Variants in UNC80 observed in about 807,000 individuals in gnomAD.
UNC80 encodes the protein protein unc-80 homolog.
In UNC80, 164 loss-of-function variants were observed where a neutral mutation model predicts 384.6. That is an observed-to-expected ratio of 0.43 (90% CI 0.38 to 0.49). The LOEUF (loss-of-function observed/expected upper bound fraction) is 0.49. Among genes scored for constraint, UNC80 ranks in the 20% least tolerant of loss-of-function variants. The pLI is 0.00. For synonymous variants in UNC80, 1,486 were observed against 1,527.8 expected (o/e 0.97, Z 0.64); for missense variants, 3,330 against 4,143.0 (o/e 0.80, Z 5.39).
intron 7 of UNC80, among the ~76,000 whole-genome samples, chr2:209,805,878 A>C (rs2078866253): frequency 6.6e-6 from 1 of 152,212 alleles, no homozygotes; most frequent in South Asian, 2.1e-4. Context: ...TAGAATGTGA[A>C]TAGCAGGAGG....
chr2:209,777,784 C>T (rs1392763266), intron 4 of UNC80, among the ~76,000 whole-genome samples: 1 of 152,172 alleles, frequency 6.6e-6, no homozygotes, highest in Non-Finnish European at 1.5e-5. Flanking sequence ...CTCCCTCTGC[C>T]TCATGATAAT....
Position 209,993,302 on chromosome 2 carries a change from C to G in UNC80, c.9397-13C>G, listed in dbSNP as rs764265709. 80 of 1,548,796 alleles carry G rather than the reference C, an allele frequency of 5.2e-5. No homozygotes were observed. The highest frequency in any genetic ancestry group is 6.5e-5 in the Non-Finnish European group (74 of 1,144,802). ...GACCCTCTTGCAAGTTTTATTCTGC[C>G]TATTCTCTTTAGCTAAGACGTCCTC... On this transcript the variant is annotated splice_polypyrimidine_tract_variant and intron_variant, in intron 62 of 64. Transcript: ENST00000673920.
At chr2:209,994,827 G>A (rs888850960) in intron 64 of UNC80, among the ~76,000 whole-genome samples, 2 of 152,088 alleles carry the variant, frequency 1.3e-5, no homozygotes, top group Non-Finnish European at 2.9e-5. Context: ...TTTAGATAAA[G>A]CCTCTAAATA....
chr2:209,994,250 G>C lies in UNC80; in HGVS notation c.9694G>C (p.Val3232Leu). 6.4e-7 allele frequency: 1 copy of C among 1,550,414 alleles called. No homozygotes were observed. The highest frequency in any genetic ancestry group is 1.2e-5 in the South Asian group (1 of 83,958). The change falls in exon 64 of 65, where the codon GTG becomes CTG. Residue 3232 changes from valine to leucine, a missense_variant. Physicochemically the swap from Val to Leu is conservative, Grantham distance 32. Transcript: ENST00000673920. ...CATAGTTGTTGCGGATCTCCACAGC[G>C]TGTCTCCCAAGCAGGTGAGGGCACT... ...PAIVVADLHS[V>L]SPKQSENFPT...
intron 2 of UNC80, among the ~76,000 whole-genome samples, chr2:209,775,428 C>T (rs2076812315): frequency 6.6e-6 from 1 of 152,168 alleles, no homozygotes; most frequent in African/African-American, 2.4e-5. Flanking sequence ...AAAGTTGTAT[C>T]TTAACACCAG....
At chr2:209,928,577 A>T (rs1241027468) in intron 36 of UNC80, among the ~76,000 whole-genome samples, 1 of 152,204 alleles carries the variant, frequency 6.6e-6, no homozygotes, top group Non-Finnish European at 1.5e-5. Flanking sequence ...GTACATATTT[A>T]TGGGGTACAG....
chr2:209,933,157 T>TA (rs1366299427), intron 38 of UNC80, among the ~76,000 whole-genome samples: 2 of 152,206 alleles, frequency 1.3e-5, no homozygotes, highest in Non-Finnish European at 2.9e-5. Flanking sequence ...TATTTCAATG[T>TA]ATAGAATGCT....
At position 209,817,973 on chromosome 2, in the gene UNC80, A is replaced by G. The variant is rs1271613241; in HGVS notation, c.1693+21A>G. On this transcript the variant is annotated intron_variant, in intron 11 of 64. Coordinates refer to ENST00000673920, the MANE Select transcript of UNC80 (RefSeq NM_001371986.1). ...GGAAGGTGGGTAGGAGGTGGGGCCTACGGGCAGGAGTTCAGAGTTCTTTTT... is the reference window on the plus strand; with the variant it reads ...GGAAGGTGGGTAGGAGGTGGGGCCTGCGGGCAGGAGTTCAGAGTTCTTTTT... 9.0e-6 allele frequency: 14 copies of G among 1,551,202 alleles called. No homozygotes were observed. The African/African-American group carries it at 1.5e-4, about 17-fold the overall frequency.
intron 54 of UNC80, 117 bp from the exon 55 acceptor site, chr2:209,972,084 T>G: frequency 1.6e-6 from 2 of 1,284,878 alleles, no homozygotes; most frequent in Non-Finnish European, 1.1e-6. Flanking sequence ...ACAATTGAAC[T>G]CATAGTTTAC....
At chr2:209,836,109 A>ATGAT (rs1240124981) in intron 18 of UNC80, among the ~76,000 whole-genome samples, 4 of 152,230 alleles carry the variant, frequency 2.6e-5, no homozygotes, top group Non-Finnish European at 4.4e-5. Context: ...GAATGATTCA[A>ATGAT]TCAATCAATG....
chr2:209,896,381 G>T lies in UNC80; in HGVS notation c.4549G>T (p.Glu1517Ter). Residue 1517 changes from glutamate (E) to a stop codon, truncating the protein, a stop_gained, in exon 28 of 65, where the codon GAG becomes TAG. Transcript: ENST00000673920. LOFTEE classifies it high-confidence loss of function. ...GGGAATGAGTAATGCCGGCGCGGAGGAGAATTACCACAGAAACATGTCGTG... is the reference window on the plus strand; with the variant it reads ...GGGAATGAGTAATGCCGGCGCGGAGTAGAATTACCACAGAAACATGTCGTG... Reference protein sequence around the residue: ...PEGMSNAGAEENYHRNMSWLH... With the variant: ...PEGMSNAGAE 1 of 1,551,622 alleles carries T rather than the reference G, an allele frequency of 6.4e-7. No individual in the cohort carries two copies. The highest frequency in any genetic ancestry group is 8.7e-7 in the Non-Finnish European group (1 of 1,146,954).
intron 35 of UNC80, among the ~76,000 whole-genome samples, chr2:209,923,963 T>C (rs2090239796): frequency 6.6e-6 from 1 of 152,148 alleles, no homozygotes; most frequent in African/African-American, 2.4e-5. Context: ...AGATATGCCA[T>C]GTGAAAGACA....
chr2:209,786,618 T>C (rs1353997085), intron 5 of UNC80, among the ~76,000 whole-genome samples: 1 of 152,146 alleles, frequency 6.6e-6, no homozygotes, highest in African/African-American at 2.4e-5. Flanking sequence ...TAGTGTTGTA[T>C]TGTTATCAAA....
chr2:209,817,500 A>G lies in UNC80; in HGVS notation c.1553-312A>G, dbSNP rs367969587. Among the ~76,000 whole-genome samples, 4 of 151,440 alleles carry G rather than the reference A, an allele frequency of 2.6e-5. 1 individual carries two copies. In the South Asian group the frequency reaches 8.3e-4, roughly 31 times the overall value. On this transcript the variant is annotated intron_variant, in intron 10 of 64. Transcript: ENST00000673920. ...GCAAAGGAAAAAAAATATATATATT[A>G]TATATATTTTCTTTCTGGATTGCAT...
At chr2:209,808,967 T>C in intron 7 of UNC80, 1 of 317,834 alleles carries the variant, frequency 3.1e-6, no homozygotes, top group Non-Finnish European at 6.1e-6. Flanking sequence ...TGGGACGCCT[T>C]CCTGGCGCTC....
Position 209,775,882 on chromosome 2 carries a change from T to C in UNC80, c.142-7T>C. On this transcript the variant is annotated splice_polypyrimidine_tract_variant and splice_region_variant and intron_variant, in intron 2 of 64. Transcript: ENST00000673920. The stretch of plus-strand genomic sequence containing the variant: ...TTTTCTTATTGTTTTTGTTTTTGTA[T>C]TTACAGTCCTTTGAGCGAGTGTTGG... 1 of 1,610,126 alleles carries C rather than the reference T, an allele frequency of 6.2e-7. No individual in the cohort carries two copies. Among genetic ancestry groups the C allele is most frequent in the Non-Finnish European group, 8.5e-7 (1 of 1,178,360 alleles).
chr2:209,781,590 A>G (rs942186072), intron 4 of UNC80, among the ~76,000 whole-genome samples: 1 of 152,122 alleles, frequency 6.6e-6, no homozygotes. Context: ...TTCTTCTTGC[A>G]TCTCTGACTC....
chr2:209,849,254 T>C (rs2082359795), intron 21 of UNC80, among the ~76,000 whole-genome samples, 197 bp from the exon 22 acceptor site: 1 of 152,144 alleles, frequency 6.6e-6, no homozygotes, highest in Non-Finnish European at 1.5e-5. Context: ...TCATATGTCA[T>C]GTGTCACCAG....
In UNC80 at chr2:209,839,288, G is replaced by C. The variant is rs764682669; in HGVS notation, c.3108G>C (p.Gln1036His). The change falls in exon 19 of 65, where the codon CAG (glutamine) becomes CAC (histidine). Residue 1036 changes from glutamine (Q) to histidine (H), a missense_variant. Transcript: ENST00000673920. The surrounding 1 kb of genome is among the most constrained non-coding windows in gnomAD (Gnocchi z 4.1). Reference sequence around the variant, plus strand: ...TCTGGCGTAAGATGTTCAAGTCCCAGAGTGCAGCAAGTGACACCAGCAGCC... The same window carrying C: ...TCTGGCGTAAGATGTTCAAGTCCCACAGTGCAGCAAGTGACACCAGCAGCC... Reference protein sequence around the residue: ...KDFWRKMFKSQSAASDTSSQS... With the variant: ...KDFWRKMFKSHSAASDTSSQS... The C allele has an allele frequency of 6.4e-7, 1 of 1,551,642 alleles. No individual in the cohort carries two copies. The highest frequency in any genetic ancestry group is 8.7e-7 in the Non-Finnish European group (1 of 1,147,004).
Sources: gnomAD v4.1 joint callset for allele counts (sites outside exome capture counted in the v4.1 genomes callset) on GRCh38, gnomAD v4.1.1 for gene constraint, Gnocchi (gnomAD v3.1) non-coding constraint, MANE v1.5 for transcripts, NCBI Gene and HGNC (gene_info 2026-07-23, HGNC 2026-07-21) for gene names.